The following MICU1 variants were observed in gnomAD, a reference collection of about 807,000 sequenced individuals.
MICU1 encodes mitochondrial calcium uptake 1.
MICU1 carries 45 observed loss-of-function variants against 56.8 expected under a neutral mutation model. That is an observed-to-expected ratio of 0.79 (90% confidence interval 0.62 to 1.02). The LOEUF (loss-of-function observed/expected upper bound fraction) is 1.02, where lower values mean the gene tolerates loss of function less well. Ranked by LOEUF, MICU1 falls within the 50% of genes least tolerant of loss-of-function variation. The pLI, the probability that MICU1 is intolerant of heterozygous loss-of-function variation, is 0.00. For missense variants in MICU1, 504 were observed against 587.1 expected, an observed-to-expected ratio of 0.86 and a Z score of 1.46; for synonymous variants, 186 against 195.1, an observed-to-expected ratio of 0.95 and a Z score of 0.39.
intron 1 of MICU1, among the ~76,000 whole-genome samples, chr10:72,585,433 G>A (rs1053196640): frequency 6.6e-6 from 1 of 152,064 alleles, no homozygotes; most frequent in South Asian, 2.1e-4. Context: ...GGTGGCTCAC[G>A]CCTGTAATCC....
At position 72,477,163 on chromosome 10, in the gene MICU1, G is replaced by A. The variant is rs1159568992; in HGVS notation, c.735+11C>T. The A allele has an allele frequency of 1.3e-6, 2 of 1,533,470 alleles. No homozygotes were observed. Among genetic ancestry groups the A allele is most frequent in the South Asian group, 2.5e-5 (2 of 81,262 alleles). The allele number at this position is 1,533,470 out of a possible 1,614,324, so 95.0% of individuals were successfully genotyped here. A position where few individuals can be genotyped will look rare whatever the true frequency, so the allele number is the denominator to read the frequency against. On this transcript the variant is annotated intron_variant, in intron 7 of 11. Transcript: ENST00000361114. ...TTAATGTATTTAGAGGAACTCTCCA[G>A]GACAACTTGCCTGTTCAAATTCTTC...
chr10:72,566,034 A>C (rs1205911246), intron 2 of MICU1, among the ~76,000 whole-genome samples: 2 of 78,206 alleles, frequency 2.6e-5, no homozygotes, highest in African/African-American at 9.7e-5. Flanking sequence ...GAAAGCATTC[A>C]TTTTCTTTTT....
chr10:72,620,578 CA>C lies in MICU1; in HGVS notation c.-2+5431del, dbSNP rs1174229451. ...CCTTAACTGTTGAGGATATCTTTTT[CA>C]AATATTACACTAAAGTTTCAATTTT... On this transcript the variant is annotated intron_variant, in intron 1 of 11. Transcript: ENST00000361114. Among the ~76,000 whole-genome samples the C allele has an allele frequency of 7.2e-5, 11 of 152,214 alleles. 1 individual carries two copies. The South Asian group carries it at 2.3e-3, about 32-fold the overall frequency.
chr10:72,381,961 T>TACAC (rs1180116551), intron 10 of MICU1, among the ~76,000 whole-genome samples: 24 of 72,732 alleles, frequency 3.3e-4, no homozygotes, highest in African/African-American at 1.0e-3. Flanking sequence ...TATATATATC[T>TACAC]ATACACACAC....
At chr10:72,378,092 T>C (rs1399909390) in intron 10 of MICU1, among the ~76,000 whole-genome samples, 1 of 151,666 alleles carries the variant, frequency 6.6e-6, no homozygotes, top group African/African-American at 2.4e-5. Context: ...TCTACTAAAA[T>C]AAATACAAAA....
chr10:72,607,851 G>A (rs1458361188), intron 1 of MICU1, among the ~76,000 whole-genome samples: 1 of 152,010 alleles, frequency 6.6e-6, no homozygotes, highest in East Asian at 1.9e-4. Context: ...CCATTAACCT[G>A]TGGGGGGGGT....
chr10:72,572,169 C>T (rs923019676), intron 1 of MICU1, among the ~76,000 whole-genome samples: 5 of 152,066 alleles, frequency 3.3e-5, no homozygotes, highest in Non-Finnish European at 5.9e-5. Flanking sequence ...GAAAGAATTG[C>T]GTAGGTGAGC....
intron 6 of MICU1, among the ~76,000 whole-genome samples, chr10:72,505,597 G>A (rs1267187885): frequency 6.6e-6 from 1 of 152,184 alleles, no homozygotes; most frequent in Non-Finnish European, 1.5e-5. Context: ...TAGAGAAAAT[G>A]TGGTACACAA....
intron 1 of MICU1, among the ~76,000 whole-genome samples, chr10:72,623,300 CAAAAAAAA>C (rs1164753291): frequency 1.3e-3 from 73 of 55,926 alleles, no homozygotes; most frequent in African/African-American, 5.2e-3. Flanking sequence ...GACTCCGTCT[CAAAAAAAA>C]AAAAAAAAAA....
chr10:72,509,830 T>C (rs1040993456), intron 5 of MICU1, among the ~76,000 whole-genome samples: 10 of 152,132 alleles, frequency 6.6e-5, no homozygotes, highest in Admixed American at 3.9e-4. Flanking sequence ...AGCTACTGGA[T>C]GAGAACTAGA....
At chr10:72,617,788 C>G (rs1842016742) in intron 1 of MICU1, among the ~76,000 whole-genome samples, 1 of 152,144 alleles carries the variant, frequency 6.6e-6, no homozygotes. Context: ...GCTGTGGTCA[C>G]ACTACTGCAC....
At chr10:72,594,597 T>C (rs1356594118) in intron 1 of MICU1, among the ~76,000 whole-genome samples, 1 of 151,922 alleles carries the variant, frequency 6.6e-6, no homozygotes, top group Non-Finnish European at 1.5e-5. Flanking sequence ...CAAAAGACAC[T>C]ATCAATGGAG....
Position 72,554,193 on chromosome 10 carries a change from G to A in MICU1, c.331-2852C>T, listed in dbSNP as rs117441359. ...AACCAAATAGCAGATGAGGGACAGT[G>A]TCTGTTTATAAAATATTCCAATTAA... On this transcript the variant is annotated intron_variant, in intron 3 of 11. Transcript: ENST00000361114. Among the ~76,000 whole-genome samples, 416 of 152,268 alleles carry A rather than the reference G, an allele frequency of 2.7e-3. 2 individuals carry two copies. The highest frequency in any genetic ancestry group is 0.02 in the East Asian group (103 of 5,194).
At chr10:72,394,941 G>A (rs914903988) in intron 10 of MICU1, among the ~76,000 whole-genome samples, 3 of 152,174 alleles carry the variant, frequency 2.0e-5, no homozygotes, top group Admixed American at 6.5e-5. Context: ...AGCACTTTGG[G>A]AGGCTGAGGC....
At chr10:72,480,311 G>A (rs1186945576) in intron 6 of MICU1, among the ~76,000 whole-genome samples, 1 of 152,220 alleles carries the variant, frequency 6.6e-6, no homozygotes, top group Non-Finnish European at 1.5e-5. Flanking sequence ...GCAAATAGAT[G>A]TAAAATGTTT....
intron 1 of MICU1, among the ~76,000 whole-genome samples, chr10:72,580,586 C>T (rs1322883161): frequency 1.3e-5 from 2 of 152,200 alleles, no homozygotes; most frequent in Non-Finnish European, 2.9e-5. Flanking sequence ...AAGTGATTCT[C>T]CTGCCTCAGC....
At chr10:72,445,827 T>C (rs921257683) in intron 8 of MICU1, among the ~76,000 whole-genome samples, 1 of 152,202 alleles carries the variant, frequency 6.6e-6, no homozygotes, top group Non-Finnish European at 1.5e-5. Context: ...TACCTCCCTC[T>C]TGGGATTACT....
chr10:72,447,407 T>C (rs573335991), intron 8 of MICU1, among the ~76,000 whole-genome samples: 2 of 152,292 alleles, frequency 1.3e-5, no homozygotes, highest in East Asian at 3.9e-4. Flanking sequence ...TATATATTAT[T>C]GGCATGATTA....
intron 8 of MICU1, among the ~76,000 whole-genome samples, chr10:72,457,279 G>T (rs1234453955): frequency 1.3e-5 from 2 of 148,576 alleles, no homozygotes; most frequent in Non-Finnish European, 3.0e-5. Context: ...AGTGCAGGGC[G>T]CAATCACAGC....
Sources: allele counts gnomAD v4.1 joint callset (sites outside exome capture counted in the v4.1 genomes callset), GRCh38; gene constraint gnomAD v4.1.1; transcripts MANE v1.5; gene names NCBI Gene and HGNC (gene_info 2026-07-23, HGNC 2026-07-21).